NFIB: variants seen among roughly 807,000 people sequenced by gnomAD.
NFIB encodes the protein nuclear factor I B, also known as nuclear factor 1 B-type.
A neutral mutation model predicts 61.5 loss-of-function variants in NFIB; 11 were observed. The ratio of observed to expected loss-of-function variants is 0.18; its 90% CI spans 0.11 to 0.30. The LOEUF is 0.30. Among genes scored for constraint, NFIB ranks in the 10% least tolerant of loss-of-function variants. NFIB has a pLI of 1.00. For synonymous variants in NFIB, 260 were observed against 216.5 expected, an observed-to-expected ratio of 1.20 and a Z score of -1.76; for missense variants, 471 against 608.9, an observed-to-expected ratio of 0.77 and a Z score of 2.38.
chr9:14,316,312 C>G (rs777447912), upstream of NFIB, among the ~76,000 whole-genome samples: 1 of 152,214 alleles, frequency 6.6e-6, no homozygotes, highest in Non-Finnish European at 1.5e-5. Flanking sequence ...CTGCAGCCCC[C>G]GTAAACCCAG....
intron 10 of NFIB, among the ~76,000 whole-genome samples, chr9:14,093,757 G>T (rs1027741367): frequency 6.6e-6 from 1 of 151,946 alleles, no homozygotes; most frequent in Non-Finnish European, 1.5e-5. Context: ...TGCTGCCCTG[G>T]GTTGTACATG....
chr9:14,327,102 TA>T (rs1383939633), intron 1 of NFIB, among the ~76,000 whole-genome samples: 2 of 65,116 alleles, frequency 3.1e-5, no homozygotes, highest in Non-Finnish European at 1.1e-4. Flanking sequence ...ATTACTAAGG[TA>T]TTTTTTTTTT....
rs2046551953 is a variant in NFIB, at chr9:14,179,713, G to A, written c.616+14C>T. The stretch of plus-strand genomic sequence containing the variant: ...ACAATGTCAGATTGCAAATGTCCTG[G>A]AACACATATTTACCTGGAGGATTCT... On this transcript the variant is annotated intron_variant, in intron 3 of 10. Coordinates refer to ENST00000380953, the MANE Select transcript of NFIB (RefSeq NM_001190737.2). The A allele has an allele frequency of 2.5e-6, 4 of 1,613,132 alleles. No individual in the cohort carries two copies. Among genetic ancestry groups the A allele is most frequent in the East Asian group, 2.2e-5 (1 of 44,868 alleles).
At chr9:14,388,670 T>C (rs1307698479) in intron 1 of NFIB, among the ~76,000 whole-genome samples, 2 of 152,088 alleles carry the variant, frequency 1.3e-5, no homozygotes, top group Non-Finnish European at 2.9e-5. Flanking sequence ...AACTTCTAGA[T>C]AGCAATTGCC....
upstream of NFIB, among the ~76,000 whole-genome samples, chr9:14,403,893 A>G (rs2061766357): frequency 6.6e-6 from 1 of 152,238 alleles, no homozygotes; most frequent in South Asian, 2.1e-4. Context: ...CAAGGCCACT[A>G]GCCTACTAAG....
At chr9:14,437,916 T>C in the NFIB span, among the ~76,000 whole-genome samples, 3 of 152,186 alleles carry the variant, frequency 2.0e-5, no homozygotes, top group African/African-American at 7.2e-5. Flanking sequence ...AAAGACAGGT[T>C]GGGAACCCCC....
At chr9:14,089,166 A>G (rs540870250) in intron 10 of NFIB, among the ~76,000 whole-genome samples, 18 of 152,128 alleles carry the variant, frequency 1.2e-4, no homozygotes, top group Admixed American at 1.3e-4. Context: ...GGTTCCCTAC[A>G]TTGGCTTGCA....
chr9:14,306,861 A>C (rs1282671688), intron 2 of NFIB, 128 bp downstream of exon 2: 13 of 1,139,692 alleles, frequency 1.1e-5, no homozygotes, highest in Non-Finnish European at 1.6e-5. Context: ...CGGACACCCT[A>C]CTATACCCAG....
chr9:14,214,840 G>A (rs1054071274), intron 2 of NFIB, among the ~76,000 whole-genome samples: 3 of 152,132 alleles, frequency 2.0e-5, no homozygotes, highest in Non-Finnish European at 4.4e-5. Context: ...GTACACACAG[G>A]AAGGAGGCAC....
At chr9:14,411,028 G>A in the NFIB span, among the ~76,000 whole-genome samples, 1 of 152,084 alleles carries the variant, frequency 6.6e-6, no homozygotes, top group African/African-American at 2.4e-5. Flanking sequence ...CACAATTGAT[G>A]CTTTAAAAAA....
chr9:14,481,793 ATC>A, the NFIB span, among the ~76,000 whole-genome samples: 16 of 152,264 alleles, frequency 1.1e-4, no homozygotes, highest in East Asian at 3.1e-3. Flanking sequence ...AGGCCTTGTG[ATC>A]TGTCAAAGAG....
chr9:14,092,252 G>C (rs946345581), intron 10 of NFIB, among the ~76,000 whole-genome samples: 2 of 152,084 alleles, frequency 1.3e-5, no homozygotes, highest in African/African-American at 4.8e-5. Context: ...AATGTAGACC[G>C]CTTAAGCATG....
In NFIB at chr9:14,143,991, AGTGTGTGTGT is replaced by A. The variant is rs141101627; in HGVS notation, c.925+2688_925+2697del. Among the ~76,000 whole-genome samples, 463 of 134,226 alleles carry A rather than the reference AGTGTGTGTGT, an allele frequency of 3.4e-3. 4 individuals carry two copies. The highest frequency in any genetic ancestry group is 0.011 in the African/African-American group (410 of 35,782). The allele number at this position is 134,226 out of a possible 152,430, so 88.1% of individuals were successfully genotyped here. A position where few individuals can be genotyped will look rare whatever the true frequency, so the allele number is the denominator to read the frequency against. On this transcript the variant is annotated intron_variant, in intron 6 of 10. Transcript: ENST00000380953. ...AGGGTCTTCAGAATTAAAGTGACAG[AGTGTGTGTGT>A]GTGTGTGTGTGTGTGTGTGTGTGTG... is the stretch of plus-strand genomic sequence containing the variant.
chr9:14,374,032 T>C (rs942358846), intron 1 of NFIB, among the ~76,000 whole-genome samples: 1 of 152,218 alleles, frequency 6.6e-6, no homozygotes, highest in Admixed American at 6.5e-5. Flanking sequence ...TATTTCTCCA[T>C]GTCCTGGGGT....
At chr9:14,232,372 G>C (rs1054736050) in intron 2 of NFIB, among the ~76,000 whole-genome samples, 1 of 152,184 alleles carries the variant, frequency 6.6e-6, no homozygotes, top group Admixed American at 6.5e-5. Context: ...GCTTAACTCC[G>C]TGTGTGCCTG....
chr9:14,527,667 A>G, the NFIB span, among the ~76,000 whole-genome samples: 1 of 152,140 alleles, frequency 6.6e-6, no homozygotes, highest in Non-Finnish European at 1.5e-5. Context: ...CTTTACAGGT[A>G]TTTGTCAACT....
chr9:14,173,989 T>C (rs778936839), intron 3 of NFIB, among the ~76,000 whole-genome samples: 5 of 152,310 alleles, frequency 3.3e-5, no homozygotes, highest in Non-Finnish European at 5.9e-5. Flanking sequence ...TGTAAAATTA[T>C]GTAGCTGAGG....
intron 2 of NFIB, among the ~76,000 whole-genome samples, chr9:14,195,147 A>T (rs887427012): frequency 2.1e-4 from 32 of 152,208 alleles, no homozygotes; most frequent in Non-Finnish European, 3.2e-4. Context: ...CATAGGACCA[A>T]TCAACTGGCA....
chr9:14,290,556 G>GTA (rs1461202985), intron 2 of NFIB, among the ~76,000 whole-genome samples: 21 of 152,116 alleles, frequency 1.4e-4, no homozygotes, highest in Admixed American at 3.9e-4. Context: ...ATAGTGAATA[G>GTA]TATAAAACAA....
Sources: gnomAD v4.1 joint callset for allele counts (sites outside exome capture counted in the v4.1 genomes callset) on GRCh38, gnomAD v4.1.1 for gene constraint, MANE v1.5 for transcripts, NCBI Gene and HGNC (gene_info 2026-07-23, HGNC 2026-07-21) for gene names.